The following ZNF521 variants were observed in gnomAD, a reference collection of about 807,000 sequenced individuals.
The protein encoded by ZNF521 is zinc finger protein 521.
Under a neutral mutation model 105.5 loss-of-function variants are expected in ZNF521, and 14 were observed. The ratio of observed to expected loss-of-function variants is 0.13; its 90% confidence interval spans 0.09 to 0.21. The LOEUF is 0.21. Among genes scored for constraint, ZNF521 ranks in the 10% least tolerant of loss-of-function variants. The pLI, the probability that ZNF521 is intolerant of heterozygous loss-of-function variation, is 1.00. For synonymous variants in ZNF521, 635 were observed against 606.0 expected, an observed-to-expected ratio of 1.05 and a Z score of -0.70; for missense variants, 1,233 against 1,629.7, an observed-to-expected ratio of 0.76 and a Z score of 4.19.
chr18:25,181,317 C>CA (rs2035627705), intron 5 of ZNF521, among the ~76,000 whole-genome samples: 1 of 152,198 alleles, frequency 6.6e-6, no homozygotes, highest in Non-Finnish European at 1.5e-5. Flanking sequence ...AGCAGTCCTG[C>CA]AATGCCAGAC....
chr18:25,271,005 G>T (rs925015061), intron 3 of ZNF521, among the ~76,000 whole-genome samples: 3 of 152,144 alleles, frequency 2.0e-5, no homozygotes, highest in African/African-American at 7.2e-5. Flanking sequence ...GCTATTACAT[G>T]AATGTATATT....
Position 25,062,378 on chromosome 18 carries a change from T to C in ZNF521, c.*334A>G. ...CATGTATAACAGTTGTTTTTAATCTTTCTTCCTTAAAAATACTTTATCTTA... is the reference window on the plus strand; with the variant it reads ...CATGTATAACAGTTGTTTTTAATCTCTCTTCCTTAAAAATACTTTATCTTA... On this transcript the variant is annotated 3_prime_UTR_variant, in exon 8 of 8. Coordinates refer to ENST00000361524, the MANE Select transcript of ZNF521 (RefSeq NM_015461.3). The C allele has an allele frequency of 3.4e-6, 1 of 296,160 alleles. No individual in the cohort carries two copies. Among genetic ancestry groups the C allele is most frequent in the East Asian group, 5.7e-5 (1 of 17,534 alleles). 18.3% of individuals were successfully genotyped at this position (296,160 alleles called of 1,614,324 possible). A position where few individuals can be genotyped will look rare whatever the true frequency, so the allele number is the denominator to read the frequency against.
intron 5 of ZNF521, among the ~76,000 whole-genome samples, chr18:25,181,801 A>C (rs2035635931): frequency 6.6e-6 from 1 of 152,186 alleles, no homozygotes; most frequent in Non-Finnish European, 1.5e-5. Context: ...CCGAAAAAGG[A>C]AGGCTGACCC....
At chr18:25,109,158 A>G (rs1287214230) in intron 5 of ZNF521, among the ~76,000 whole-genome samples, 1 of 151,266 alleles carries the variant, frequency 6.6e-6, no homozygotes, top group Non-Finnish European at 1.5e-5. Flanking sequence ...TTCCATCTTT[A>G]TGTCCATGTG....
intron 4 of ZNF521, among the ~76,000 whole-genome samples, chr18:25,206,655 C>T (rs1321601434): frequency 6.6e-6 from 1 of 151,780 alleles, no homozygotes; most frequent in Non-Finnish European, 1.5e-5. Flanking sequence ...AATGCATGTC[C>T]CCCTTTCTCT....
At chr18:25,341,453 AC>A (rs1914196096) in intron 2 of ZNF521, among the ~76,000 whole-genome samples, 1 of 152,194 alleles carries the variant, frequency 6.6e-6, no homozygotes, top group Admixed American at 6.5e-5. Flanking sequence ...AATTAGCTTC[AC>A]CATTGCACGA....
At chr18:25,340,359 A>T (rs1327669652) in intron 2 of ZNF521, among the ~76,000 whole-genome samples, 1 of 151,958 alleles carries the variant, frequency 6.6e-6, no homozygotes, top group Admixed American at 6.6e-5. Context: ...CATCTCGAAA[A>T]AATAATAATA....
At chr18:25,155,819 G>A (rs966028209) in intron 5 of ZNF521, among the ~76,000 whole-genome samples, 6 of 152,134 alleles carry the variant, frequency 3.9e-5, no homozygotes, top group African/African-American at 1.4e-4. Context: ...AGGCAATCCT[G>A]CCATTTGTAC....
At chr18:25,250,948 T>C (rs1908077428) in intron 3 of ZNF521, among the ~76,000 whole-genome samples, 1 of 152,244 alleles carries the variant, frequency 6.6e-6, no homozygotes. Flanking sequence ...AGATGTTAAA[T>C]TTTAGATTTG....
chr18:25,155,004 C>CA, intron 5 of ZNF521, among the ~76,000 whole-genome samples: 1 of 152,154 alleles, frequency 6.6e-6, no homozygotes, highest in East Asian at 1.9e-4. Flanking sequence ...CCTACATTCT[C>CA]ACCAACAGAC....
In ZNF521 at chr18:25,083,427, T is replaced by C. The variant is rs528528788; in HGVS notation, c.3906+6038A>G. Among the ~76,000 whole-genome samples, 252 of 152,270 alleles carry C rather than the reference T, an allele frequency of 1.7e-3. 1 individual carries two copies. Among genetic ancestry groups the C allele is most frequent in the Middle Eastern group, 0.01 (3 of 294 alleles). The stretch of plus-strand genomic sequence containing the variant: ...AAATAATGATGAATCTGGATTTTGT[T>C]CACTTAGGTCAGCACTAGGAAAGCA... On this transcript the variant is annotated intron_variant, in intron 7 of 7. Transcript: ENST00000361524.
At chr18:25,176,259 C>T (rs1055480909) in intron 5 of ZNF521, among the ~76,000 whole-genome samples, 22 of 152,278 alleles carry the variant, frequency 1.4e-4, no homozygotes, top group South Asian at 4.2e-4. Flanking sequence ...AGAACCCCAA[C>T]GCTCTAAATT....
At chr18:25,096,504 A>T (rs886623020) in intron 5 of ZNF521, among the ~76,000 whole-genome samples, 1 of 152,200 alleles carries the variant, frequency 6.6e-6, no homozygotes, top group African/African-American at 2.4e-5. Flanking sequence ...TGACATTTCA[A>T]TATAAGCTTT....
rs149793935 is a variant in ZNF521 at position 25,098,801 on chromosome 18, T to C, written c.3659-6720A>G. Among the ~76,000 whole-genome samples, 215 of 152,274 alleles carry C rather than the reference T, an allele frequency of 1.4e-3. 1 individual carries two copies. The highest frequency in any genetic ancestry group is 3.4e-3 in the Middle Eastern group (1 of 294). ...ACCCACTTGAATACAGGAGAGTACA[T>C]TTTTTCTTTCAAAAAATTTTTGTCA... On this transcript the variant is annotated intron_variant, in intron 5 of 7. Coordinates refer to ENST00000361524, the MANE Select transcript of ZNF521 (RefSeq NM_015461.3).
In ZNF521 at chr18:25,092,320, T is replaced by G. The variant is rs147996860; in HGVS notation, c.3659-239A>C. Among the ~76,000 whole-genome samples, 31 of 152,326 alleles carry G rather than the reference T, an allele frequency of 2.0e-4. No individual in the cohort carries two copies. The East Asian group carries it at 4.1e-3, about 20-fold the overall frequency. ...AGATTTTATCTTAAGGCTAATGCAT[T>G]TTATTACACTTTTAAAATATAATTG... On this transcript the variant is annotated intron_variant, in intron 5 of 7. Transcript: ENST00000361524.
intron 5 of ZNF521, among the ~76,000 whole-genome samples, chr18:25,163,376 T>C (rs778399049): frequency 6.6e-6 from 1 of 152,290 alleles, no homozygotes; most frequent in South Asian, 2.1e-4. Flanking sequence ...GGCTCAAAGA[T>C]TTAAAAGTTG....
chr18:25,078,181 G>T lies in ZNF521; in HGVS notation c.3906+11284C>A, dbSNP rs903114389. On this transcript the variant is annotated intron_variant, in intron 7 of 7. Coordinates refer to ENST00000361524, the MANE Select transcript of ZNF521 (RefSeq NM_015461.3). ...TCTGGGGCGGCTGGGGGTCCTTTGA[G>T]GGCTGATTATAAAGCTGCCCTCCTG... 3.9e-5 allele frequency among the ~76,000 whole-genome samples: 6 copies of T among 152,278 alleles called. 1 individual carries two copies. Among genetic ancestry groups the T allele is most frequent in the Middle Eastern group, 6.8e-3 (2 of 294 alleles).
intron 3 of ZNF521, among the ~76,000 whole-genome samples, chr18:25,262,801 T>A (rs1908999043): frequency 6.6e-6 from 1 of 152,172 alleles, no homozygotes; most frequent in Non-Finnish European, 1.5e-5. Context: ...TTTTAAAGGA[T>A]ATCCCAGGGA....
In ZNF521 at chr18:25,283,979, C is replaced by T. The variant is rs188959079; in HGVS notation, c.220+38029G>A. 2.9e-3 allele frequency among the ~76,000 whole-genome samples: 418 copies of T among 141,996 alleles called. 1 individual carries two copies. The highest frequency in any genetic ancestry group is 0.01 in the African/African-American group (394 of 39,208). 93.2% of individuals were successfully genotyped at this position (141,996 alleles called of 152,430 possible). On this transcript the variant is annotated intron_variant, in intron 3 of 7. Transcript: ENST00000361524. ...ACAGCTGGAACTGTTTTACACTAGA[C>T]GGCTGAGTTCTGTGAGAATGTCCTC...
Sources: gnomAD v4.1 joint callset for allele counts (sites outside exome capture counted in the v4.1 genomes callset) on GRCh38, gnomAD v4.1.1 for gene constraint, MANE v1.5 for transcripts, NCBI Gene and HGNC (gene_info 2026-07-23, HGNC 2026-07-21) for gene names.